Variants in WIPF1 observed in about 807,000 individuals in gnomAD.
WIPF1 encodes the protein WAS/WASL-interacting protein family member 1.
In WIPF1, 13 loss-of-function variants were observed where a neutral mutation model predicts 35.4. The ratio of observed to expected loss-of-function variants is 0.37; its 90% confidence interval spans 0.24 to 0.58. The LOEUF (loss-of-function observed/expected upper bound fraction) is 0.58. Among genes scored for constraint, WIPF1 ranks in the 20% least tolerant of loss-of-function variants. The probability of loss-of-function intolerance (pLI) is 0.74; values close to 1 mark genes in which losing one functional copy is unlikely to be tolerated. For synonymous variants in WIPF1, 267 were observed against 266.3 expected (o/e 1.00, Z -0.02); for missense variants, 591 against 667.0 (o/e 0.89, Z 1.25).
chr2:174,667,169 T>A (rs1687910390), intron 1 of WIPF1, among the ~76,000 whole-genome samples: 1 of 152,176 alleles, frequency 6.6e-6, no homozygotes, highest in African/African-American at 2.4e-5. Context: ...GGGCTGACAG[T>A]GAGCGAGGCC....
intron 1 of WIPF1, among the ~76,000 whole-genome samples, chr2:174,672,203 A>C (rs1222766907): frequency 6.6e-6 from 1 of 152,260 alleles, no homozygotes; most frequent in Non-Finnish European, 1.5e-5. Flanking sequence ...CCCCAATAAT[A>C]GATGGTGAGG....
chr2:174,576,442 A>T (rs936497580), intron 3 of WIPF1, among the ~76,000 whole-genome samples: 1 of 152,218 alleles, frequency 6.6e-6, no homozygotes, highest in Non-Finnish European at 1.5e-5. Flanking sequence ...TGTATTGTAG[A>T]ACATGAATGT....
At chr2:174,662,630 T>C (rs779552419) in intron 1 of WIPF1, among the ~76,000 whole-genome samples, 8 of 152,230 alleles carry the variant, frequency 5.3e-5, no homozygotes, top group Non-Finnish European at 8.8e-5. Flanking sequence ...TCATGTCATG[T>C]TTGATTTCCA....
At chr2:174,611,446 T>A (rs907936965) in intron 1 of WIPF1, among the ~76,000 whole-genome samples, 1 of 152,236 alleles carries the variant, frequency 6.6e-6, no homozygotes, top group Admixed American at 6.5e-5. Flanking sequence ...TAGTTCATAA[T>A]GTCACTAAAC....
chr2:174,578,516 A>G (rs1270683838), intron 3 of WIPF1, among the ~76,000 whole-genome samples: 1 of 152,218 alleles, frequency 6.6e-6, no homozygotes, highest in African/African-American at 2.4e-5. Flanking sequence ...CTGAATAAAT[A>G]TATGCTTTTC....
chr2:174,681,842 A>T (rs1688251805), intron 1 of WIPF1, among the ~76,000 whole-genome samples: 1 of 152,192 alleles, frequency 6.6e-6, no homozygotes, highest in Non-Finnish European at 1.5e-5. Context: ...GGAATACTCC[A>T]TCGGGATTTA....
Position 174,594,676 on chromosome 2 carries a change from TTCTC to T in WIPF1, c.-39+2921_-39+2924del, listed in dbSNP as rs556049999. On this transcript the variant is annotated intron_variant, in intron 1 of 7. Coordinates refer to ENST00000679041, the MANE Select transcript of WIPF1 (RefSeq NM_001375834.1). ...CCAGAGGATTAAGATGTGCCACTGTTTCTCTCTCTCTCTTTCTCTCTCTCTCTCT... is the reference window on the plus strand; with the variant it reads ...CCAGAGGATTAAGATGTGCCACTGTTTCTCTCTCTTTCTCTCTCTCTCTCT... Among the ~76,000 whole-genome samples, 10 of 78,138 alleles carry T rather than the reference TTCTC, an allele frequency of 1.3e-4. 3 individuals are homozygous for T. The highest frequency in any genetic ancestry group is 4.7e-4 in the East Asian group (2 of 4,240). The allele number at this position is 78,138 out of a possible 152,430, so 51.3% of individuals were successfully genotyped here.
At chr2:174,645,818 T>C (rs1194072530) in intron 1 of WIPF1, among the ~76,000 whole-genome samples, 14 of 152,238 alleles carry the variant, frequency 9.2e-5, no homozygotes, top group Admixed American at 9.2e-4. Flanking sequence ...CTTTCCAACG[T>C]TGTGCAACTG....
chr2:174,575,378 G>A lies in WIPF1; in HGVS notation c.184C>T (p.Pro62Ser), dbSNP rs758303066. Residue 62 changes from proline to serine, a missense_variant and splice_region_variant, in exon 4 of 8, where the codon CCT (proline) becomes TCT (serine). This residue lies in a region of WIPF1 where 471 missense variants were observed against 501.1 expected (regional missense o/e 0.94). Coordinates refer to ENST00000679041, the MANE Select transcript of WIPF1 (RefSeq NM_001375834.1). Reference protein sequence around the residue: ...NDRSAPILDKPKGAGAGGGGG... With the variant: ...NDRSAPILDKSKGAGAGGGGG... ...CCGCCTCCAGCACCAGCTCCTTTAG[G>A]TTCTGTAGAAGAAGAGACACCCGAC... 5 of 1,607,096 alleles carry A rather than the reference G, an allele frequency of 3.1e-6. No homozygotes were observed. Among genetic ancestry groups the A allele is most frequent in the Non-Finnish European group, 4.3e-6 (5 of 1,176,456 alleles).
At chr2:174,616,676 A>G (rs2105908079) in intron 1 of WIPF1, among the ~76,000 whole-genome samples, 3 of 152,350 alleles carry the variant, frequency 2.0e-5, no homozygotes, top group Admixed American at 2.0e-4. Context: ...ATAAGCAATA[A>G]AGACCATGTT....
chr2:174,581,399 G>A lies in WIPF1; in HGVS notation c.92C>T (p.Ala31Val), dbSNP rs1433666296. 1.2e-6 allele frequency: 2 copies of A among 1,613,948 alleles called. No homozygotes were observed. Among genetic ancestry groups the A allele is most frequent in the Non-Finnish European group, 1.7e-6 (2 of 1,179,968 alleles). ...ATCAGAAAGGAGAGCATTTCTCCCA[G>A]CCTGCTCTGTCTTATTCAAGGTAGG... ...EKPTLNKTEQ[A>V]GRNALLSDIS... Residue 31 changes from alanine (A) to valine (V), a missense_variant, in exon 3 of 8, where the codon GCT (alanine) becomes GTT (valine). Ala to Val is a moderately conservative substitution (Grantham distance 64). Transcript: ENST00000679041.
chr2:174,679,578 C>T (rs1381622438), intron 1 of WIPF1, among the ~76,000 whole-genome samples: 1 of 152,034 alleles, frequency 6.6e-6, no homozygotes, highest in African/African-American at 2.4e-5. Context: ...ATCAGCATCA[C>T]CTGGGGAAGT....
chr2:174,646,128 ATCCTGAACAGTAAGGTGTCTC>A (rs1687404337), intron 1 of WIPF1, among the ~76,000 whole-genome samples: 1 of 152,220 alleles, frequency 6.6e-6, no homozygotes, highest in Non-Finnish European at 1.5e-5. Flanking sequence ...GTCAGGAGTG[ATCCTGAACAGTAAGGTGTCTC>A]TCGTTATGGA....
intron 1 of WIPF1, among the ~76,000 whole-genome samples, chr2:174,681,489 A>G (rs1208833409): frequency 2.0e-5 from 3 of 152,242 alleles, no homozygotes; most frequent in Non-Finnish European, 4.4e-5. Context: ...TCTTGGAGTT[A>G]TTTTATCCAT....
chr2:174,603,618 G>C (rs996426612), intron 1 of WIPF1, among the ~76,000 whole-genome samples: 1 of 152,218 alleles, frequency 6.6e-6, no homozygotes, highest in Non-Finnish European at 1.5e-5. Context: ...CTTTTAGTAA[G>C]ATCCACAGGA....
chr2:174,591,287 T>C (rs1398582556), intron 1 of WIPF1, among the ~76,000 whole-genome samples: 2 of 152,234 alleles, frequency 1.3e-5, no homozygotes, highest in African/African-American at 4.8e-5. Flanking sequence ...TGTGGTATTT[T>C]ATTATGGCAG....
In WIPF1 at chr2:174,567,907, T is replaced by C. The variant is rs76731102; in HGVS notation, c.1296A>G (p.Pro432=). 7.2e-4 allele frequency: 1,167 copies of C among 1,611,288 alleles called. 17 individuals are homozygous for C. The African/African-American group carries it at 0.014, about 19-fold the overall frequency. ...RPSAGAPPPP[P]PSTSIRNGFQ... ...AGCCATTTCTAATAGATGTTGATGGTGGAGGTGGGGGAGGTGCCCCAGCAC... is the reference window on the plus strand; with the variant it reads ...AGCCATTTCTAATAGATGTTGATGGCGGAGGTGGGGGAGGTGCCCCAGCAC... Residue 432 remains proline (P), a synonymous_variant, in exon 6 of 8, where the codon CCA becomes CCG. Transcript: ENST00000679041.
chr2:174,567,164 G>A lies in WIPF1; in HGVS notation c.1362C>T (p.Phe454=). ...SPCEDEWESR[F]YFHPISDLPP... is the part of the protein sequence containing the mutation. ...GCAAATCGGAAATCGGATGGAAGTA[G>A]AATCTGCTTTCCCACTCATCTGGGA... is the stretch of plus-strand genomic sequence containing the variant. Residue 454 remains phenylalanine (F), a synonymous_variant, in exon 7 of 8, where the codon TTC becomes TTT. Transcript: ENST00000679041. 6.2e-7 allele frequency: 1 copy of A among 1,614,170 alleles called. No individual in the cohort carries two copies. Among genetic ancestry groups the A allele is most frequent in the Non-Finnish European group, 8.5e-7 (1 of 1,180,010 alleles).
chr2:174,649,958 G>A (rs187856277), intron 1 of WIPF1, among the ~76,000 whole-genome samples: 2 of 152,272 alleles, frequency 1.3e-5, no homozygotes, highest in Admixed American at 6.5e-5. Context: ...CTGTGCTGCT[G>A]CAGTGATCTT....
Sources: allele counts gnomAD v4.1 joint callset (sites outside exome capture counted in the v4.1 genomes callset), GRCh38; gene constraint gnomAD v4.1.1; regional missense constraint gnomAD v4.1.1; transcripts MANE v1.5; gene names NCBI Gene and HGNC (gene_info 2026-07-23, HGNC 2026-07-21).